KRT74: variants seen among roughly 807,000 people sequenced by gnomAD.
KRT74 encodes the protein keratin 74.
In KRT74, 43 loss-of-function variants were observed where a neutral mutation model predicts 42.7. The ratio of observed to expected loss-of-function variants is 1.01; its 90% CI spans 0.79 to 1.30. The LOEUF (loss-of-function observed/expected upper bound fraction) is 1.30. Ranked by LOEUF, KRT74 falls within the 50% of genes most tolerant of loss-of-function variation. KRT74 has a pLI of 0.00. For synonymous variants in KRT74, 302 were observed against 279.0 expected, an observed-to-expected ratio of 1.08 and a Z score of -0.82; for missense variants, 736 against 689.1, an observed-to-expected ratio of 1.07 and a Z score of -0.76.
At position 52,567,235 on chromosome 12, in the gene KRT74, C is replaced by T. The variant is rs1011536241; in HGVS notation, c.1391-67G>A. 5.9e-6 allele frequency: 8 copies of T among 1,352,310 alleles called. No individual in the cohort carries two copies. The East Asian group carries it at 7.6e-5, about 13-fold the overall frequency. The allele number at this position is 1,352,310 out of a possible 1,614,324, so 83.8% of individuals were successfully genotyped here. ...AATCAGCAGATAACAGCTATGGTAA[C>T]GGCTGTCCCCAAGGGCTTCTCCACA... On this transcript the variant is annotated intron_variant, in intron 8 of 8. Transcript: ENST00000305620.
rs1371314578 is a variant in KRT74, at chr12:52,566,374, G to C, written c.*595C>G. 2.6e-5 allele frequency: 4 copies of C among 152,316 alleles called. No individual in the cohort carries two copies. Among genetic ancestry groups the C allele is most frequent in the Admixed American group, 2.6e-4 (4 of 15,266 alleles). 9.4% of individuals were successfully genotyped at this position (152,316 alleles called of 1,614,324 possible). ...CTGATAATGAAGGAGGTGGGTGGGT[G>C]ACACAGGCTGGCAGAGAATCCCCAA... On this transcript the variant is annotated 3_prime_UTR_variant, in exon 9 of 9. Transcript: ENST00000305620.
rs754115771 is a variant in KRT74 at position 52,570,843 on chromosome 12, G to A, written c.844-10C>T. 6.2e-7 allele frequency: 1 copy of A among 1,614,236 alleles called. No individual in the cohort carries two copies. Among genetic ancestry groups the A allele is most frequent in the Admixed American group, 1.7e-5 (1 of 60,028 alleles). On this transcript the variant is annotated splice_polypyrimidine_tract_variant and intron_variant, in intron 4 of 8. Coordinates refer to ENST00000305620, the MANE Select transcript of KRT74 (RefSeq NM_175053.4). The stretch of plus-strand genomic sequence containing the variant: ...GGATCTGAGCGATCTCCTGCATTGA[G>A]AGAGGAAGACAGATTCAGCAACCCC...
rs1278855005 is a variant in KRT74, at chr12:52,567,146, G to A, written c.1413C>T (p.Tyr471=). The A allele has an allele frequency of 6.2e-7, 1 of 1,603,914 alleles. No individual in the cohort carries two copies. The highest frequency in any genetic ancestry group is 8.5e-7 in the Non-Finnish European group (1 of 1,172,562). Residue 471 remains tyrosine (Y), a synonymous_variant, in exon 9 of 9, where the codon TAC becomes TAT. Coordinates refer to ENST00000305620, the MANE Select transcript of KRT74 (RefSeq NM_175053.4). ...CCGCAGAGCTGGGGTGGTGGTAGCT[G>A]TAGCTGCTACTGCTGATGACAGCTG... The part of the protein sequence containing the change: ...VSISVISSSS[Y]SYHHPSSAGV...
rs1939529909 is a variant in KRT74, at chr12:52,573,627, A to G, written c.151T>C (p.Tyr51His). ...ATACGCCGATTCCCTCCAAGGCTAT[A>G]GAGGCTCCGACTGCCAAAGCCAGCG... ...AGAGFGSRSLYSLGGNRRISF... is the reference protein window; with the variant it reads ...AGAGFGSRSLHSLGGNRRISF... The change falls in exon 1 of 9, where the codon TAT becomes CAT. Residue 51 changes from tyrosine (Y) to histidine (H), a missense_variant. Physicochemically the swap from Tyr to His is moderately conservative, Grantham distance 83 (BLOSUM62 2). Coordinates refer to ENST00000305620, the MANE Select transcript of KRT74 (RefSeq NM_175053.4). 1 of 1,614,048 alleles carries G rather than the reference A, an allele frequency of 6.2e-7. No homozygotes were observed. The highest frequency in any genetic ancestry group is 1.7e-5 in the Admixed American group (1 of 60,006).
intron 2 of KRT74, 150 bp from the exon 3 acceptor site, chr12:52,572,154 GT>G: frequency 1.4e-6 from 1 of 739,872 alleles, no homozygotes; most frequent in Non-Finnish European, 2.4e-6. Context: ...ATATCCCTGA[GT>G]TGCTTCACTT....
At chr12:52,568,140 T>C in intron 7 of KRT74, 29 bp downstream of exon 7, 1 of 1,613,550 alleles carries the variant, frequency 6.2e-7, no homozygotes, top group South Asian at 1.1e-5. Flanking sequence ...CCCAGTCCCT[T>C]CTCACACTTT....
At chr12:52,573,209 C>G (rs1357264738) in intron 1 of KRT74, 98 bp downstream of exon 1, 46 of 1,228,876 alleles carry the variant, frequency 3.7e-5, no homozygotes, top group Non-Finnish European at 5.4e-5. Context: ...TGAGGCCCAG[C>G]TGCACCTTTC....
intron 5 of KRT74, 128 bp downstream of exon 5, chr12:52,570,541 T>C: frequency 2.0e-6 from 2 of 1,005,668 alleles, no homozygotes; most frequent in Middle Eastern, 3.0e-4. Context: ...CCTTTTTTCC[T>C]TGAAGCCTTG....
intron 7 of KRT74, among the ~76,000 whole-genome samples, 174 bp downstream of exon 7, chr12:52,567,995 A>G (rs562957339): frequency 6.6e-6 from 1 of 152,032 alleles, no homozygotes; most frequent in African/African-American, 2.4e-5. Flanking sequence ...ACGGCCATCT[A>G]CGCTTCATGG....
intron 2 of KRT74, 28 bp downstream of exon 2, chr12:52,572,425 C>T (rs369666732): frequency 6.2e-7 from 1 of 1,612,178 alleles, no homozygotes; most frequent in Non-Finnish European, 8.5e-7. Context: ...GAAACATGGT[C>T]TGTGACCCTC....
rs1293173797 is a variant in KRT74 at position 52,569,435 on chromosome 12, A to G, written c.1134+424T>C. On this transcript the variant is annotated intron_variant, in intron 6 of 8. Coordinates refer to ENST00000305620, the MANE Select transcript of KRT74 (RefSeq NM_175053.4). ...GATGCATACCCTCTGCACCCCACAC[A>G]TGTTCCATGTCCAGTGGGAGGAGGA... 15 of 605,076 alleles carry G rather than the reference A, an allele frequency of 2.5e-5. No homozygotes were observed. The East Asian group carries it at 3.4e-4, about 14-fold the overall frequency. 37.5% of individuals were successfully genotyped at this position (605,076 alleles called of 1,614,324 possible). A position where few individuals can be genotyped will look rare whatever the true frequency, so the allele number is the denominator to read the frequency against.
rs1939384035 is a variant in KRT74 at position 52,566,519 on chromosome 12, T to C, written c.*450A>G. 6.3e-6 allele frequency: 1 copy of C among 159,566 alleles called. No homozygotes were observed. Among genetic ancestry groups the C allele is most frequent in the Non-Finnish European group, 1.4e-5 (1 of 73,304 alleles). 9.9% of individuals were successfully genotyped at this position (159,566 alleles called of 1,614,324 possible). ...TTTCTGATGGAGCAAGTAAAGGCTG[T>C]CTAACTTCTCACCACCTGCTTACAG... On this transcript the variant is annotated 3_prime_UTR_variant, in exon 9 of 9. Transcript: ENST00000305620.
chr12:52,567,992 T>C (rs1469651645), intron 7 of KRT74, among the ~76,000 whole-genome samples, 177 bp downstream of exon 7: 3 of 152,112 alleles, frequency 2.0e-5, no homozygotes, highest in Non-Finnish European at 4.4e-5. Flanking sequence ...CACACGGCCA[T>C]CTACGCTTCA....
rs780135764 is a variant in KRT74 at position 52,568,180 on chromosome 12, G to T, written c.1344C>A (p.Gly448=). 5.6e-6 allele frequency: 9 copies of T among 1,614,042 alleles called. No homozygotes were observed. Among genetic ancestry groups the T allele is most frequent in the Non-Finnish European group, 6.8e-6 (8 of 1,179,972 alleles). Residue 448 remains glycine (G), a synonymous_variant, in exon 7 of 9, where the codon GGC becomes GGA. Coordinates refer to ENST00000305620, the MANE Select transcript of KRT74 (RefSeq NM_175053.4). Reference sequence around the variant, plus strand: ...TCCACCCCACCTACCTGCACTCCTCGCCCTCCAGCAGCTTGCGGTAGGTGG... The same window carrying T: ...TCCACCCCACCTACCTGCACTCCTCTCCCTCCAGCAGCTTGCGGTAGGTGG... ...EIATYRKLLE[G]EECRMSGENP...
chr12:52,567,545 T>C, intron 8 of KRT74, 114 bp downstream of exon 8: 1 of 857,196 alleles, frequency 1.2e-6, no homozygotes, highest in Non-Finnish European at 2.0e-6. Flanking sequence ...CCAGAAACCT[T>C]CCCAAGACAG....
Position 52,573,447 on chromosome 12 carries a change from C to G in KRT74, c.331G>C (p.Gly111Arg). The change falls in exon 1 of 9, where the codon GGC becomes CGC. Residue 111 changes from glycine (G) to arginine (R), a missense_variant. Physicochemically the swap from Gly to Arg is moderately radical, Grantham distance 125. Coordinates refer to ENST00000305620, the MANE Select transcript of KRT74 (RefSeq NM_175053.4). ...TTGTTGACAGTGACCTGGTGGATGCCCCCAGGTGGGCACACAGACAAACAT... is the reference window on the plus strand; with the variant it reads ...TTGTTGACAGTGACCTGGTGGATGCGCCCAGGTGGGCACACAGACAAACAT... The part of the protein sequence containing the change: ...PACLSVCPPG[G>R]IHQVTVNKSL... The G allele has an allele frequency of 1.2e-6, 2 of 1,614,190 alleles. No homozygotes were observed. Among genetic ancestry groups the G allele is most frequent in the South Asian group, 2.2e-5 (2 of 91,082 alleles).
At chr12:52,573,208 G>A (rs1209493386) in intron 1 of KRT74, 99 bp downstream of exon 1, 3 of 1,213,862 alleles carry the variant, frequency 2.5e-6, no homozygotes, top group South Asian at 2.4e-5. Flanking sequence ...CTGAGGCCCA[G>A]CTGCACCTTT....
chr12:52,570,957 G>T (rs1053490038), intron 4 of KRT74, 124 bp from the exon 5 acceptor site: 7 of 1,095,576 alleles, frequency 6.4e-6, no homozygotes, highest in Non-Finnish European at 9.5e-6. Context: ...AAAGTAGGGG[G>T]AAGAAGTGCC....
chr12:52,570,571 T>A, intron 5 of KRT74, 98 bp downstream of exon 5: 1 of 1,327,400 alleles, frequency 7.5e-7, no homozygotes, highest in East Asian at 2.3e-5. Flanking sequence ...TTTCTTTCAT[T>A]CAGCATGCCC....
Sources: allele counts gnomAD v4.1 joint callset (sites outside exome capture counted in the v4.1 genomes callset), GRCh38; gene constraint gnomAD v4.1.1; transcripts MANE v1.5; gene names NCBI Gene and HGNC (gene_info 2026-07-23, HGNC 2026-07-21).